SLC25A26: variants seen among roughly 807,000 people sequenced by gnomAD.
The protein encoded by SLC25A26 is solute carrier family 25 member 26.
Under a neutral mutation model 37.8 loss-of-function variants are expected in SLC25A26, and 36 were observed. The observed-to-expected ratio is 0.95, with a 90% CI of 0.73 to 1.26. The LOEUF is 1.26. SLC25A26 is among the 50% of genes most tolerant of loss of function. The pLI, the probability that SLC25A26 is intolerant of heterozygous loss-of-function variation, is 0.00. For missense variants in SLC25A26, 390 were observed against 331.1 expected (o/e 1.18, Z -1.38); for synonymous variants, 129 against 122.5 (o/e 1.05, Z -0.35).
intron 2 of SLC25A26, among the ~76,000 whole-genome samples, chr3:66,238,752 T>C (rs187744571): frequency 6.6e-6 from 1 of 151,806 alleles, no homozygotes; most frequent in South Asian, 2.1e-4. Flanking sequence ...GTATATTCAG[T>C]AAGTGGAAGT....
At chr3:66,369,702 A>G (rs1006487727) in intron 8 of SLC25A26, 160 bp downstream of exon 8, 4 of 170,410 alleles carry the variant, frequency 2.3e-5, no homozygotes, top group African/African-American at 4.8e-5. Flanking sequence ...TGATGGAACA[A>G]TGTCCCCAGT....
upstream of SLC25A26, among the ~76,000 whole-genome samples, chr3:66,220,280 CACTT>C (rs2106859555): frequency 6.6e-6 from 1 of 152,314 alleles, no homozygotes; most frequent in African/African-American, 2.4e-5. Flanking sequence ...GTCTGTCAAT[CACTT>C]AGCACCACGT....
chr3:66,259,499 A>G (rs1365265387), intron 3 of SLC25A26, among the ~76,000 whole-genome samples: 1 of 151,938 alleles, frequency 6.6e-6, no homozygotes, highest in Admixed American at 6.6e-5. Context: ...ATGTTTTGGG[A>G]CCACCATATG....
intron 1 of SLC25A26, among the ~76,000 whole-genome samples, chr3:66,196,381 G>T (rs1301300612): frequency 6.6e-6 from 1 of 152,154 alleles, no homozygotes; most frequent in Non-Finnish European, 1.5e-5. Context: ...AATAAATTGG[G>T]CTTATTATGG....
chr3:66,378,920 A>G lies in SLC25A26; in HGVS notation c.*1113A>G, dbSNP rs1700857788. ...TCTATAAATAAATAACTTTGTACAT[A>G]AAAGTAATACTCCCTCTTTCACATT... On this transcript the variant is annotated 3_prime_UTR_variant, in exon 10 of 10. Coordinates refer to ENST00000354883, the MANE Select transcript of SLC25A26 (RefSeq NM_001379210.1). 6.5e-6 allele frequency: 1 copy of G among 152,674 alleles called. No individual in the cohort carries two copies. The highest frequency in any genetic ancestry group is 1.5e-5 in the Non-Finnish European group (1 of 68,052). The allele number at this position is 152,674 out of a possible 1,614,324, so 9.5% of individuals were successfully genotyped here. A position where few individuals can be genotyped will look rare whatever the true frequency, so the allele number is the denominator to read the frequency against.
chr3:66,137,217 CTTTTTTTTTTTTT>C (rs528438794), intron 1 of SLC25A26, among the ~76,000 whole-genome samples: 1 of 118,838 alleles, frequency 8.4e-6, no homozygotes, highest in Non-Finnish European at 1.7e-5. Context: ...GATTTTCTTT[CTTTTTTTTTTTTT>C]TTTTTTTGAG....
rs139343309 is a variant in SLC25A26 at position 66,228,318 on chromosome 3, A to G, written c.33+7191A>G. Among the ~76,000 whole-genome samples, 759 of 152,290 alleles carry G rather than the reference A, an allele frequency of 5.0e-3. 13 individuals are homozygous for G. The highest frequency in any genetic ancestry group is 0.013 in the African/African-American group (555 of 41,546). ...TTTTCTTTCTGTTTAAGAAAGGCATACTTGGAAAGTTTTAGTATTTGATAA... is the reference window on the plus strand; with the variant it reads ...TTTTCTTTCTGTTTAAGAAAGGCATGCTTGGAAAGTTTTAGTATTTGATAA... On this transcript the variant is annotated intron_variant, in intron 1 of 9. Transcript: ENST00000354883.
chr3:66,335,842 G>T (rs1191573369), intron 5 of SLC25A26, among the ~76,000 whole-genome samples: 2 of 152,064 alleles, frequency 1.3e-5, no homozygotes, highest in African/African-American at 2.4e-5. Flanking sequence ...TTTGTTAACA[G>T]GGCTGCTTTC....
At chr3:66,147,085 TCCCCTCCCC>T (rs2070127757) in intron 1 of SLC25A26, among the ~76,000 whole-genome samples, 1 of 3,626 alleles carries the variant, frequency 2.8e-4, no homozygotes, top group Non-Finnish European at 6.2e-4. Context: ...TTCCCTCCCC[TCCCCTCCCC>T]TCCCCTCCCC....
chr3:66,293,809 T>A (rs552428934), intron 5 of SLC25A26, among the ~76,000 whole-genome samples: 1 of 152,202 alleles, frequency 6.6e-6, no homozygotes, highest in Non-Finnish European at 1.5e-5. Context: ...TTAGGTTGAT[T>A]CCATGTCTTT....
intron 1 of SLC25A26, among the ~76,000 whole-genome samples, chr3:66,169,912 T>C (rs953561079): frequency 1.3e-5 from 2 of 152,182 alleles, no homozygotes; most frequent in Admixed American, 6.5e-5. Flanking sequence ...AAATTATATG[T>C]ATATTTTTCT....
At chr3:66,334,489 T>G (rs2076050093) in intron 5 of SLC25A26, among the ~76,000 whole-genome samples, 1 of 152,084 alleles carries the variant, frequency 6.6e-6, no homozygotes, top group Non-Finnish European at 1.5e-5. Context: ...TAATTTTTTG[T>G]ATTCTTAGTA....
intron 1 of SLC25A26, among the ~76,000 whole-genome samples, chr3:66,227,012 CATT>C (rs1181781102): frequency 3.3e-5 from 5 of 152,164 alleles, no homozygotes; most frequent in Admixed American, 6.5e-5. Context: ...CTTGTGTTCT[CATT>C]ATGTATTATA....
intron 1 of SLC25A26, among the ~76,000 whole-genome samples, chr3:66,226,790 T>G (rs1385985708): frequency 3.3e-5 from 5 of 151,732 alleles, no homozygotes; most frequent in African/African-American, 1.2e-4. Context: ...TTAGAAAATT[T>G]TTTTTGTAGA....
rs782014366 is a variant in SLC25A26 at position 66,221,079 on chromosome 3, C to A, written c.-16C>A. 1.3e-6 allele frequency: 2 copies of A among 1,535,008 alleles called. No individual in the cohort carries two copies. The highest frequency in any genetic ancestry group is 1.7e-6 in the Non-Finnish European group (2 of 1,145,768). ...GCTCCGGCTTGGATTGTAGCCTTGA[C>A]GAGGTCTGAGCGACCATGGACCGGC... On this transcript the variant is annotated 5_prime_UTR_variant, in exon 1 of 10. Coordinates refer to ENST00000354883, the MANE Select transcript of SLC25A26 (RefSeq NM_001379210.1).
At chr3:66,298,074 G>C (rs912867493) in intron 5 of SLC25A26, among the ~76,000 whole-genome samples, 1 of 152,184 alleles carries the variant, frequency 6.6e-6, no homozygotes, top group Non-Finnish European at 1.5e-5. Context: ...CAGAATCTAA[G>C]TCCCCACTTG....
chr3:66,182,100 A>G (rs749502795), intron 1 of SLC25A26, among the ~76,000 whole-genome samples: 6 of 152,142 alleles, frequency 3.9e-5, no homozygotes, highest in Non-Finnish European at 8.8e-5. Flanking sequence ...AAGCACAGGC[A>G]ACTAGGACAA....
intron 5 of SLC25A26, among the ~76,000 whole-genome samples, chr3:66,281,256 G>C (rs1166072756): frequency 6.6e-6 from 1 of 152,084 alleles, no homozygotes; most frequent in Non-Finnish European, 1.5e-5. Flanking sequence ...TCTTACACTT[G>C]GTGAGTTTAA....
Position 66,237,644 on chromosome 3 carries a change from A to G in SLC25A26, c.190+944A>G, listed in dbSNP as rs990886105. Among the ~76,000 whole-genome samples the G allele has an allele frequency of 4.6e-5, 7 of 152,348 alleles. No individual in the cohort carries two copies. In the South Asian group the frequency reaches 6.2e-4, roughly 14 times the overall value. On this transcript the variant is annotated intron_variant, in intron 2 of 9. Transcript: ENST00000354883. ...TTATGACGCTCTTACTCTTTAGTCA[A>G]TGTAATCTGTTTTGTTTAATCTGCT...
Sources: gnomAD v4.1 joint callset for allele counts (sites outside exome capture counted in the v4.1 genomes callset) on GRCh38, gnomAD v4.1.1 for gene constraint, MANE v1.5 for transcripts, NCBI Gene and HGNC (gene_info 2026-07-23, HGNC 2026-07-21) for gene names.